Variants in LOXHD1 observed in about 807,000 individuals in gnomAD.
The protein encoded by LOXHD1 is lipoxygenase homology PLAT domains 1.
In LOXHD1, 205 loss-of-function variants were observed where a neutral mutation model predicts 248.2. That is an observed-to-expected ratio of 0.83 (90% CI 0.74 to 0.93). The LOEUF (loss-of-function observed/expected upper bound fraction) is 0.93, where lower values mean the gene tolerates loss of function less well. Among genes scored for constraint, LOXHD1 ranks in the 40% least tolerant of loss-of-function variants. The pLI is 0.00. For synonymous variants in LOXHD1, 1,113 were observed against 1,162.8 expected, an observed-to-expected ratio of 0.96 and a Z score of 0.87; for missense variants, 2,930 against 2,971.6, an observed-to-expected ratio of 0.99 and a Z score of 0.33.
intron 15 of LOXHD1, among the ~76,000 whole-genome samples, chr18:46,570,879 G>A (rs1003678812): frequency 2.0e-5 from 3 of 152,174 alleles, no homozygotes; most frequent in African/African-American, 2.4e-5. Context: ...GCTTTCAGAC[G>A]CTCTGACTGA....
intron 21 of LOXHD1, among the ~76,000 whole-genome samples, chr18:46,550,706 C>G (rs926789331): frequency 5.9e-5 from 9 of 151,952 alleles, no homozygotes; most frequent in African/African-American, 1.7e-4. Context: ...AGTGAACATG[C>G]TGAGCAAAGT....
At chr18:46,477,011 T>C (rs1428541721), downstream of LOXHD1, 3 of 604,804 alleles carry the variant, frequency 5.0e-6, no homozygotes, top group African/African-American at 3.7e-5. Flanking sequence ...GGGAAAAGTA[T>C]ACACTTCTTA....
At chr18:46,544,034 G>C (rs569132814) in intron 23 of LOXHD1, among the ~76,000 whole-genome samples, 1 of 152,352 alleles carries the variant, frequency 6.6e-6, no homozygotes, top group African/African-American at 2.4e-5. Context: ...TGATCTCAGA[G>C]TCATCGCTAT....
intron 12 of LOXHD1, 82 bp downstream of exon 12, chr18:46,591,849 ACT>A (rs1197443216): frequency 6.8e-7 from 1 of 1,480,606 alleles, no homozygotes; most frequent in East Asian, 2.5e-5. Context: ...AGCAGACAAG[ACT>A]CTCAGCTCAT....
At chr18:46,619,095 T>G (rs990005349) in intron 4 of LOXHD1, among the ~76,000 whole-genome samples, 4 of 152,168 alleles carry the variant, frequency 2.6e-5, no homozygotes, top group African/African-American at 9.7e-5. Flanking sequence ...GGGTTGGTAT[T>G]TGTGGTCAAG....
chr18:46,622,495 G>A (rs574460361), intron 4 of LOXHD1, among the ~76,000 whole-genome samples: 2 of 152,322 alleles, frequency 1.3e-5, no homozygotes, highest in Non-Finnish European at 2.9e-5. Flanking sequence ...GTTAGGATAT[G>A]TCTTGAACTC....
chr18:46,501,811 C>T (rs990306112), intron 37 of LOXHD1, among the ~76,000 whole-genome samples: 2 of 152,162 alleles, frequency 1.3e-5, no homozygotes, highest in African/African-American at 4.8e-5. Flanking sequence ...AACATTAAAA[C>T]TGAGGGGATT....
chr18:46,572,717 C>T (rs546973401), intron 14 of LOXHD1, among the ~76,000 whole-genome samples: 1 of 152,168 alleles, frequency 6.6e-6, no homozygotes, highest in East Asian at 1.9e-4. Flanking sequence ...GGGGAGATGG[C>T]AGAGAACATA....
At chr18:46,547,763 C>G (rs983366482) in intron 21 of LOXHD1, among the ~76,000 whole-genome samples, 1 of 152,174 alleles carries the variant, frequency 6.6e-6, no homozygotes, top group Non-Finnish European at 1.5e-5. Context: ...GTGTCCTTAT[C>G]TCTCTGTGCT....
At chr18:46,534,280 AC>A in intron 27 of LOXHD1, 54 bp downstream of exon 27, 3 of 1,337,266 alleles carry the variant, frequency 2.2e-6, no homozygotes, top group African/African-American at 2.9e-5. Flanking sequence ...TTTGCCTTGA[AC>A]CTGCTCTGGA....
Position 46,529,177 on chromosome 18 carries a change from C to T in LOXHD1, c.4530G>A (p.Thr1510=), listed in dbSNP as rs1305088211. 21 of 1,551,374 alleles carry T rather than the reference C, an allele frequency of 1.4e-5. No individual in the cohort carries two copies. Among genetic ancestry groups the T allele is most frequent in the East Asian group, 4.9e-5 (2 of 40,914 alleles). The change falls in exon 29 of 41, where the codon ACG becomes ACA. Residue 1510 remains threonine (T), a splice_region_variant and synonymous_variant. Transcript: ENST00000642948. The part of the protein sequence containing the change: ...ENRTNKFERG[T]ADTFIIEAAD... ...GGTAAACTCCGTGTGCCCCTCATAC[C>T]GTTCCTCTCTCGAACTTGTTGGTCC...
At chr18:46,517,565 TC>T (rs1264750608) in intron 34 of LOXHD1, among the ~76,000 whole-genome samples, 1 of 152,226 alleles carries the variant, frequency 6.6e-6, no homozygotes, top group East Asian at 1.9e-4. Context: ...GTTATTGCCC[TC>T]CTTAGGTTAA....
In LOXHD1 at chr18:46,509,707, G is replaced by T. The variant is rs1185804665; in HGVS notation, c.5508C>A (p.Phe1836Leu). 6.4e-7 allele frequency: 1 copy of T among 1,551,110 alleles called. No homozygotes were observed. Residue 1836 changes from phenylalanine (F) to leucine (L), a missense_variant, in exon 35 of 41, where the codon TTC becomes TTA. Transcript: ENST00000642948. ...IDGLGSRPEWFLERILLKNMN... is the reference protein window; with the variant it reads ...IDGLGSRPEWLLERILLKNMN... The stretch of plus-strand genomic sequence containing the variant: ...GGTCTAGACATTTTACCCTCTCCAG[G>T]AACCACTCCGGCCGACTGCCCAGGC...
chr18:46,501,403 T>C (rs2034221924), intron 37 of LOXHD1, among the ~76,000 whole-genome samples: 1 of 152,178 alleles, frequency 6.6e-6, no homozygotes, highest in African/African-American at 2.4e-5. Context: ...GTTCATTGTT[T>C]TAAAATGGCC....
At chr18:46,620,705 A>C (rs2038656647) in intron 4 of LOXHD1, among the ~76,000 whole-genome samples, 1 of 152,204 alleles carries the variant, frequency 6.6e-6, no homozygotes, top group Non-Finnish European at 1.5e-5. Context: ...GGGATGCTGC[A>C]CAGAAAGTGC....
intron 38 of LOXHD1, among the ~76,000 whole-genome samples, chr18:46,487,557 G>T (rs759443865): frequency 7.9e-5 from 12 of 152,212 alleles, no homozygotes; most frequent in Non-Finnish European, 1.2e-4. Context: ...TACCATGTGG[G>T]TTGGATGGAG....
rs746832263 is a variant in LOXHD1, at chr18:46,506,036, C to T, written c.5693-13G>A. ...TCAGTGCCTGCTCCTGGGGGGTGCA[C>T]AAGGTGAGGCTTAGGGTGCCAGCCT... On this transcript the variant is annotated splice_polypyrimidine_tract_variant and intron_variant, in intron 36 of 40. Coordinates refer to ENST00000642948, the MANE Select transcript of LOXHD1 (RefSeq NM_001384474.1). 2 of 1,551,732 alleles carry T rather than the reference C, an allele frequency of 1.3e-6. No individual in the cohort carries two copies. The highest frequency in any genetic ancestry group is 1.4e-5 in the African/African-American group (1 of 73,144).
intron 1 of LOXHD1, among the ~76,000 whole-genome samples, chr18:46,651,369 A>C (rs2039109007): frequency 6.6e-6 from 1 of 152,178 alleles, no homozygotes; most frequent in South Asian, 2.1e-4. Flanking sequence ...GAGGCTGATC[A>C]ACCCCCGGAG....
chr18:46,500,943 C>T (rs966003810), intron 37 of LOXHD1, among the ~76,000 whole-genome samples: 7 of 152,106 alleles, frequency 4.6e-5, no homozygotes, highest in Admixed American at 3.3e-4. Flanking sequence ...TCTGAGTCCT[C>T]GGACTAGCAT....
Sources: allele counts gnomAD v4.1 joint callset (sites outside exome capture counted in the v4.1 genomes callset), GRCh38; gene constraint gnomAD v4.1.1; transcripts MANE v1.5; gene names NCBI Gene and HGNC (gene_info 2026-07-23, HGNC 2026-07-21).